Variants in PCNT observed in about 807,000 individuals in gnomAD.
PCNT encodes the protein kendrin.
In PCNT, 319 loss-of-function variants were observed where a neutral mutation model predicts 380.4. That is an observed-to-expected ratio of 0.84 (90% CI 0.77 to 0.92). The LOEUF (loss-of-function observed/expected upper bound fraction) is 0.92. Among genes scored for constraint, PCNT ranks in the 40% least tolerant of loss-of-function variants. The pLI, the probability that PCNT is intolerant of heterozygous loss-of-function variation, is 0.00. For synonymous variants in PCNT, 1,845 were observed against 1,735.2 expected (o/e 1.06, Z -1.57); for missense variants, 4,400 against 4,255.3 (o/e 1.03, Z -0.95).
intron 35 of PCNT, among the ~76,000 whole-genome samples, chr21:46,429,281 G>C: frequency 1.0e-5 from 1 of 98,658 alleles, no homozygotes; most frequent in East Asian, 2.0e-4. Context: ...CGCTTGTCAG[G>C]GGCATGGGCG....
Position 46,349,757 on chromosome 21 carries a change from C to T in PCNT, c.1281C>T (p.His427=), listed in dbSNP as rs142413458. Residue 427 remains histidine (H), a synonymous_variant, in exon 8 of 47, where the codon CAC becomes CAT. Transcript: ENST00000359568. Reference sequence around the variant, plus strand: ...TACGTGAAGACCTGCAGTCCGAGCACGGCCGGTGTTTAGAAGACTTGGAGT... The same window carrying T: ...TACGTGAAGACCTGCAGTCCGAGCATGGCCGGTGTTTAGAAGACTTGGAGT... ...EKLREDLQSE[H]GRCLEDLEFK... The T allele has an allele frequency of 6.9e-5, 111 of 1,613,960 alleles. 1 individual carries two copies. The highest frequency in any genetic ancestry group is 5.6e-4 in the South Asian group (51 of 91,080).
Position 46,324,190 on chromosome 21 carries a change from C to T in PCNT, c.-39C>T, listed in dbSNP as rs761158530. 3 of 1,579,772 alleles carry T rather than the reference C, an allele frequency of 1.9e-6. No individual in the cohort carries two copies. In the South Asian group the frequency reaches 3.4e-5, roughly 18 times the overall value. On this transcript the variant is annotated 5_prime_UTR_variant, in exon 1 of 47. Coordinates refer to ENST00000359568, the MANE Select transcript of PCNT (RefSeq NM_006031.6). ...AGAGCGAAGGCTGCTCTGTGTCAGC[C>T]CCGTCACCGCCGGGCGGCCCGCGCG...
intron 17 of PCNT, among the ~76,000 whole-genome samples, chr21:46,387,822 G>A (rs900588634): frequency 1.3e-5 from 2 of 152,134 alleles, no homozygotes; most frequent in African/African-American, 2.4e-5. Context: ...CTGGGTCAAC[G>A]TGCCTGTCCT....
At chr21:46,381,196 CTGTGTGTGTGTGTGTGTG>C (rs10523538) in intron 15 of PCNT, among the ~76,000 whole-genome samples, 3,548 of 122,246 alleles carry the variant, frequency 0.029, 218 homozygotes, top group African/African-American at 0.072. Context: ...AAAAAAATCT[CTGTGTGTGTGTGTGTGTG>C]TGTGTGTGTG....
chr21:46,414,929 T>G (rs1337528543), intron 29 of PCNT, among the ~76,000 whole-genome samples: 1 of 152,178 alleles, frequency 6.6e-6, no homozygotes, highest in Non-Finnish European at 1.5e-5. Flanking sequence ...GTTTGCTAAA[T>G]GTGCCCCAAC....
chr21:46,428,181 T>A (rs2087589592), intron 34 of PCNT, among the ~76,000 whole-genome samples: 1 of 152,086 alleles, frequency 6.6e-6, no homozygotes, highest in East Asian at 1.9e-4. Context: ...AACCTAGTGT[T>A]GAGAGTAACT....
intron 29 of PCNT, among the ~76,000 whole-genome samples, 199 bp downstream of exon 29, chr21:46,413,191 G>GCGCGAGGTCCCCCCGGGAGAGGCTGGA (rs2086860714): frequency 7.4e-6 from 1 of 135,084 alleles, no homozygotes; most frequent in Admixed American, 7.1e-5. Flanking sequence ...AGCGGGGAAG[G>GCGCGAGGTCCCCCCGGGAGAGGCTGGA]CACGAGGCCC....
intron 33 of PCNT, 34 bp from the exon 34 acceptor site, chr21:46,427,588 G>A (rs759509458): frequency 1.2e-6 from 2 of 1,613,408 alleles, no homozygotes; most frequent in Non-Finnish European, 1.7e-6. Context: ...AGGTGCATTT[G>A]TGAGGACGCC....
At chr21:46,389,845 G>A (rs532401921) in intron 19 of PCNT, among the ~76,000 whole-genome samples, 1 of 152,346 alleles carries the variant, frequency 6.6e-6, no homozygotes, top group Non-Finnish European at 1.5e-5. Context: ...CACTTTGGGA[G>A]GCTAAGGTAG....
chr21:46,333,154 C>CAGGAA (rs2083610423), intron 2 of PCNT, among the ~76,000 whole-genome samples: 1 of 151,894 alleles, frequency 6.6e-6, no homozygotes, highest in East Asian at 1.9e-4. Flanking sequence ...GAATTCATGG[C>CAGGAA]CGGGCGCAGT....
In PCNT at chr21:46,428,378, TCC is replaced by T; in HGVS notation, c.7495-15_7495-14del. The T allele has an allele frequency of 6.2e-7, 1 of 1,610,288 alleles. No homozygotes were observed. The highest frequency in any genetic ancestry group is 8.5e-7 in the Non-Finnish European group (1 of 1,178,650). On this transcript the variant is annotated splice_polypyrimidine_tract_variant and intron_variant, in intron 34 of 46. Coordinates refer to ENST00000359568, the MANE Select transcript of PCNT (RefSeq NM_006031.6). Reference sequence around the variant, plus strand: ...GGCTGCCCAATGCTCAGGCTGCTTGTCCCATTGTGCCCCCAGGGAGACCTGCA... The same window carrying T: ...GGCTGCCCAATGCTCAGGCTGCTTGTCATTGTGCCCCCAGGGAGACCTGCA...
intron 28 of PCNT, 124 bp from the exon 29 acceptor site, chr21:46,412,713 C>A: frequency 9.8e-7 from 1 of 1,020,098 alleles, no homozygotes; most frequent in South Asian, 1.3e-5. Flanking sequence ...CTGTGGATGT[C>A]ACTGCCACCT....
intron 1 of PCNT, chr21:46,324,795 G>A (rs555180158): frequency 3.7e-5 from 31 of 827,546 alleles, no homozygotes; most frequent in Non-Finnish European, 4.5e-5. Context: ...GCGCGGCCGG[G>A]GCCGGGGGCG....
chr21:46,443,732 C>G (rs1428141172), intron 44 of PCNT, 78 bp from the exon 45 acceptor site: 1 of 1,386,786 alleles, frequency 7.2e-7, no homozygotes, highest in African/African-American at 1.4e-5. Flanking sequence ...TACGTTTAAA[C>G]TGTTGATAGA....
Position 46,388,139 on chromosome 21 carries a change from G to T in PCNT, c.3465-603G>T, listed in dbSNP as rs2085904708. 6.6e-6 allele frequency among the ~76,000 whole-genome samples: 1 copy of T among 152,142 alleles called. No individual in the cohort carries two copies. The highest frequency in any genetic ancestry group is 6.5e-5 in the Admixed American group (1 of 15,280). ...GCAGGAGAAAGGCGTGAACCCGGGAGGTGGAGCTTGCAGTGAGCCAAGATC... is the reference window on the plus strand; with the variant it reads ...GCAGGAGAAAGGCGTGAACCCGGGATGTGGAGCTTGCAGTGAGCCAAGATC... On this transcript the variant is annotated intron_variant, in intron 17 of 46. Transcript: ENST00000359568. This position sits in a 1 kb window ranked among gnomAD's most constrained non-coding sequence, Gnocchi z 4.2.
At chr21:46,437,347 C>T (rs964002759) in intron 40 of PCNT, among the ~76,000 whole-genome samples, 5 of 151,564 alleles carry the variant, frequency 3.3e-5, no homozygotes, top group African/African-American at 9.8e-5. Context: ...GTGTGGTCTT[C>T]GGGGGCTGAG....
intron 30 of PCNT, 141 bp downstream of exon 30, chr21:46,416,980 C>CA (rs1450159122): frequency 2.7e-6 from 2 of 735,722 alleles, no homozygotes; most frequent in Non-Finnish European, 4.4e-6. Context: ...GCAGGACTGG[C>CA]ATCATGGGCG....
intron 3 of PCNT, among the ~76,000 whole-genome samples, chr21:46,335,507 AAT>A (rs1402799599): frequency 2.0e-5 from 3 of 152,088 alleles, no homozygotes; most frequent in African/African-American, 7.2e-5. Context: ...CAGCCTGGCC[AAT>A]ATGGTGAAAC....
rs572406717 is a variant in PCNT at position 46,334,017 on chromosome 21, T to C, written c.268-380T>C. Among the ~76,000 whole-genome samples, 446 of 151,928 alleles carry C rather than the reference T, an allele frequency of 2.9e-3. 4 individuals carry two copies. The highest frequency in any genetic ancestry group is 5.2e-3 in the Non-Finnish European group (354 of 67,914). ...GTCAGGAGATCAAGACCATCTTGGC[T>C]AACATGGTGAAACCCTGTCTCTACT... On this transcript the variant is annotated intron_variant, in intron 2 of 46. Transcript: ENST00000359568.
Sources: allele counts gnomAD v4.1 joint callset (sites outside exome capture counted in the v4.1 genomes callset), GRCh38; gene constraint gnomAD v4.1.1; non-coding constraint Gnocchi (gnomAD v3.1); transcripts MANE v1.5; gene names NCBI Gene and HGNC (gene_info 2026-07-23, HGNC 2026-07-21).